TTLL8: variants seen among roughly 807,000 people sequenced by gnomAD.
The protein encoded by TTLL8 is protein monoglycylase TTLL8.
In TTLL8, 65 loss-of-function variants were observed where a neutral mutation model predicts 77.8. The ratio of observed to expected loss-of-function variants is 0.84; its 90% confidence interval spans 0.68 to 1.03. The LOEUF (loss-of-function observed/expected upper bound fraction) is 1.03. Among genes scored for constraint, TTLL8 ranks in the 50% least tolerant of loss-of-function variants. The probability of loss-of-function intolerance (pLI) is 0.00; values close to 1 mark genes in which losing one functional copy is unlikely to be tolerated. For missense variants in TTLL8, 910 were observed against 1,004.5 expected (o/e 0.91, Z 1.27); for synonymous variants, 402 against 422.8 (o/e 0.95, Z 0.60).
At chr22:50,057,845 T>G (rs1033523580), upstream of TTLL8, among the ~76,000 whole-genome samples, 3 of 140,282 alleles carry the variant, frequency 2.1e-5, no homozygotes, top group East Asian at 2.1e-4. Context: ...CAGAGGGGAG[T>G]GGACAGCTGT....
At position 50,022,160 on chromosome 22, in the gene TTLL8, C is replaced by T. The variant is rs189265495; in HGVS notation, c.2204-5598G>A. On this transcript the variant is annotated intron_variant, in intron 12 of 13. Transcript: ENST00000266182. ...TGACATGCACTCCTCCATCTGATGA[C>T]GTGCACTCCTCCATCTGATGATGTG... Among the ~76,000 whole-genome samples, 859 of 129,570 alleles carry T rather than the reference C, an allele frequency of 6.6e-3. 7 individuals are homozygous for T. The highest frequency in any genetic ancestry group is 0.03 in the South Asian group (104 of 3,508). 85.0% of individuals were successfully genotyped at this position (129,570 alleles called of 152,430 possible). A position where few individuals can be genotyped will look rare whatever the true frequency, so the allele number is the denominator to read the frequency against.
chr22:50,053,625 G>A (rs964754939), intron 1 of TTLL8, among the ~76,000 whole-genome samples: 6 of 152,156 alleles, frequency 3.9e-5, no homozygotes, highest in East Asian at 1.9e-4. Flanking sequence ...ATTAATGAGC[G>A]GATATGGTTC....
chr22:50,050,450 G>A (rs2061438401), intron 1 of TTLL8, among the ~76,000 whole-genome samples: 2 of 149,952 alleles, frequency 1.3e-5, no homozygotes, highest in African/African-American at 4.9e-5. Context: ...TCAGCTCACT[G>A]CAACCTGTCT....
chr22:50,032,837 C>G (rs1442066271), intron 10 of TTLL8, among the ~76,000 whole-genome samples: 1 of 152,196 alleles, frequency 6.6e-6, no homozygotes, highest in Non-Finnish European at 1.5e-5. Flanking sequence ...GGGCAGCACA[C>G]TTGCGGATAT....
intron 1 of TTLL8, among the ~76,000 whole-genome samples, chr22:50,051,996 T>C (rs1276975276): frequency 6.6e-6 from 1 of 152,110 alleles, no homozygotes; most frequent in Non-Finnish European, 1.5e-5. Flanking sequence ...CAGCTGTAGC[T>C]GGGAACCCTG....
At chr22:50,030,463 C>T in exon 12 of TTLL8, 1 of 1,343,232 alleles carries the variant, frequency 7.4e-7, no homozygotes, top group Non-Finnish European at 9.9e-7. Context: ...AGCGCGCCCT[C>T]TGCTGTCTTC....
At chr22:50,026,580 G>A (rs1390487385) in intron 12 of TTLL8, among the ~76,000 whole-genome samples, 4 of 152,354 alleles carry the variant, frequency 2.6e-5, no homozygotes, top group East Asian at 1.9e-4. Context: ...CCTGTAAGAC[G>A]TGCAGGGGCC....
At position 50,044,106 on chromosome 22, in the gene TTLL8, C is replaced by T. The variant is rs552550232; in HGVS notation, c.643+1149G>A. Among the ~76,000 whole-genome samples the T allele has an allele frequency of 6.6e-6, 1 of 152,278 alleles. No individual in the cohort carries two copies. The highest frequency in any genetic ancestry group is 1.9e-4 in the East Asian group (1 of 5,188). ...GTGGGAGGCCGAGGTGGGCGGATCA[C>T]CTGAAGTCAGGAGTTCGAGACCAGC... On this transcript the variant is annotated intron_variant, in intron 6 of 13. Coordinates refer to ENST00000266182, the Ensembl canonical transcript of TTLL8. The surrounding 1 kb of genome is among the most constrained non-coding windows in gnomAD (Gnocchi z 4.2).
At chr22:50,030,643 C>A (rs750698860) in exon 12 of TTLL8, 6 of 1,283,898 alleles carry the variant, frequency 4.7e-6, no homozygotes, top group Admixed American at 2.5e-5. Flanking sequence ...GTGGGCTGTG[C>A]GGCTCCACCG....
chr22:50,032,259 G>T, intron 10 of TTLL8, 150 bp from the exon 12 acceptor site: 2 of 772,972 alleles, frequency 2.6e-6, no homozygotes, highest in Non-Finnish European at 3.6e-6. Context: ...GGGCCCAGCT[G>T]GGATGAGCGT....
intron 12 of TTLL8, among the ~76,000 whole-genome samples, chr22:50,027,979 G>A (rs1170224377): frequency 3.9e-5 from 6 of 152,248 alleles, no homozygotes; most frequent in African/African-American, 1.4e-4. Context: ...AGTGAGAGGC[G>A]CCTCAGACAC....
chr22:50,019,596 A>G (rs1322142516), intron 12 of TTLL8, among the ~76,000 whole-genome samples: 1 of 152,128 alleles, frequency 6.6e-6, no homozygotes, highest in South Asian at 2.1e-4. Context: ...TCCACGTGGG[A>G]GGGACTGATG....
exon 6 of TTLL8, chr22:50,045,283 G>T: frequency 7.4e-7 from 1 of 1,360,070 alleles, no homozygotes. Context: ...CGCTGCTCCC[G>T]GCCTCCTCCC....
intron 3 of TTLL8, 72 bp downstream of exon 5, chr22:50,049,177 C>T: frequency 7.3e-7 from 1 of 1,360,682 alleles, no homozygotes; most frequent in Non-Finnish European, 9.8e-7. Flanking sequence ...GGAGAGTGGG[C>T]ACGGAGCAGG....
chr22:50,025,719 T>G (rs1051421256), intron 12 of TTLL8, among the ~76,000 whole-genome samples: 8 of 152,060 alleles, frequency 5.3e-5, no homozygotes, highest in Non-Finnish European at 1.2e-4. Context: ...CAACCTAATT[T>G]TACAATAGGA....
At chr22:50,053,945 ACG>A in intron 1 of TTLL8, among the ~76,000 whole-genome samples, 1 of 147,410 alleles carries the variant, frequency 6.8e-6, no homozygotes, top group East Asian at 2.1e-4. Context: ...ATATTTGTAC[ACG>A]TTCTGCTCTC....
chr22:50,020,480 C>CT (rs1206384660), intron 12 of TTLL8, among the ~76,000 whole-genome samples: 2 of 151,734 alleles, frequency 1.3e-5, no homozygotes, highest in Non-Finnish European at 2.9e-5. Context: ...ATGTGTACTC[C>CT]TCCATCTGAC....
At chr22:50,048,750 A>AT (rs2146692533) in intron 3 of TTLL8, among the ~76,000 whole-genome samples, 1 of 152,302 alleles carries the variant, frequency 6.6e-6, no homozygotes, top group South Asian at 2.1e-4. Flanking sequence ...GATCTTTTAA[A>AT]TTTTAAGTAC....
intron 12 of TTLL8, chr22:50,027,583 C>A: frequency 2.2e-6 from 2 of 910,746 alleles, no homozygotes; most frequent in Non-Finnish European, 2.6e-6. Context: ...TCTGCAGATT[C>A]AAGGTGATCC....
Sources: allele counts gnomAD v4.1 joint callset (sites outside exome capture counted in the v4.1 genomes callset), GRCh38; gene constraint gnomAD v4.1.1; non-coding constraint Gnocchi (gnomAD v3.1); transcripts MANE v1.5; gene names NCBI Gene and HGNC (gene_info 2026-07-23, HGNC 2026-07-21).